WIPF3: variants seen among roughly 807,000 people sequenced by gnomAD.
The protein encoded by WIPF3 is WAS/WASL interacting protein family member 3, also known as WAS/WASL-interacting protein family member 3.
In WIPF3, 33 loss-of-function variants were observed where a neutral mutation model predicts 38.9. That is an observed-to-expected ratio of 0.85 (90% confidence interval 0.64 to 1.14). The LOEUF is 1.14. Among genes scored for constraint, WIPF3 ranks in the 50% most tolerant of loss-of-function variants. The probability of loss-of-function intolerance (pLI) is 0.00; values close to 1 mark genes in which losing one functional copy is unlikely to be tolerated. For missense variants in WIPF3, 711 were observed against 652.5 expected (o/e 1.09, Z -0.98); for synonymous variants, 324 against 269.3 (o/e 1.20, Z -1.99).
At position 29,844,638 on chromosome 7, in the gene WIPF3, G is replaced by GT. The variant is rs1784969970; in HGVS notation, c.90+9826dup. Among the ~76,000 whole-genome samples the GT allele has an allele frequency of 6.6e-6, 1 of 152,178 alleles. No homozygotes were observed. Among genetic ancestry groups the GT allele is most frequent in the East Asian group, 1.9e-4 (1 of 5,198 alleles). On this transcript the variant is annotated intron_variant, in intron 2 of 8. Transcript: ENST00000242140. The surrounding 1 kb of genome is among the most constrained non-coding windows in gnomAD (Gnocchi z 4.8). ...CCACTGCCTCCAGCTGCGTGAACGG[G>GT]TTCAGTAAGTGGTACTGATGACTAG...
chr7:29,888,345 C>T, intron 6 of WIPF3, 128 bp downstream of exon 6: 1 of 1,233,648 alleles, frequency 8.1e-7, no homozygotes, highest in Non-Finnish European at 1.1e-6. Context: ...TGAACAGGGG[C>T]TCACTCCAGC....
chr7:29,897,885 C>T (rs1209399248), intron 7 of WIPF3, among the ~76,000 whole-genome samples: 2 of 152,248 alleles, frequency 1.3e-5, no homozygotes, highest in South Asian at 4.1e-4. Context: ...TTTACCACAG[C>T]TTCTGTCCTT....
chr7:29,863,996 T>A (rs1785345160), intron 2 of WIPF3, among the ~76,000 whole-genome samples: 1 of 152,214 alleles, frequency 6.6e-6, no homozygotes, highest in Non-Finnish European at 1.5e-5. Flanking sequence ...TTTTATTTCC[T>A]CCTTCCCAAT....
chr7:29,884,011 G>GACCCC lies in WIPF3; in HGVS notation c.517_518insACCCC (p.Ala173AspfsTer37). 7.0e-7 allele frequency: 1 copy of GACCCC among 1,430,664 alleles called. No individual in the cohort carries two copies. The highest frequency in any genetic ancestry group is 1.4e-5 in the South Asian group (1 of 71,508). The allele number at this position is 1,430,664 out of a possible 1,614,324, so 88.6% of individuals were successfully genotyped here. ...AGCCCCGCCTCGCCCCAACGTGCCT[G>GACCCC]CCCCGCCCCCTCCCACCCCACCCCC... is the stretch of plus-strand genomic sequence containing the variant. On this transcript the variant is annotated frameshift_variant, in exon 5 of 9. Transcript: ENST00000242140. LOFTEE classifies it high-confidence loss of function.
chr7:29,890,696 G>C (rs573074958), intron 7 of WIPF3, among the ~76,000 whole-genome samples: 1 of 151,246 alleles, frequency 6.6e-6, no homozygotes, highest in Admixed American at 6.6e-5. Flanking sequence ...GGTGGAGGGC[G>C]CGTGGACCTG....
chr7:29,885,778 T>C (rs1583619799), intron 5 of WIPF3, among the ~76,000 whole-genome samples: 3 of 152,206 alleles, frequency 2.0e-5, no homozygotes, highest in African/African-American at 7.2e-5. Context: ...ATTGTGCCAT[T>C]GTACTCCAGA....
intron 1 of WIPF3, among the ~76,000 whole-genome samples, chr7:29,816,537 C>T (rs1481604576): frequency 6.6e-6 from 1 of 151,686 alleles, no homozygotes; most frequent in Non-Finnish European, 1.5e-5. Context: ...CTTTGTTGCC[C>T]AGGCTGGTCT....
At chr7:29,846,733 G>A (rs1377193883) in intron 2 of WIPF3, among the ~76,000 whole-genome samples, 1 of 152,200 alleles carries the variant, frequency 6.6e-6, no homozygotes, top group Non-Finnish European at 1.5e-5. Flanking sequence ...AACACGGGGT[G>A]TAAAAACAGG....
At chr7:29,889,267 A>G (rs748532495) in intron 6 of WIPF3, 39 bp from the exon 7 acceptor site, 1 of 1,542,444 alleles carries the variant, frequency 6.5e-7, no homozygotes. Context: ...GGATCATGAC[A>G]GTAACCTGAG....
chr7:29,835,639 G>A lies in WIPF3; in HGVS notation c.90+825G>A, dbSNP rs150494463. Among the ~76,000 whole-genome samples, 301 of 152,304 alleles carry A rather than the reference G, an allele frequency of 2.0e-3. 1 individual carries two copies. Among genetic ancestry groups the A allele is most frequent in the Non-Finnish European group, 3.5e-3 (235 of 68,020 alleles). ...TTTCAGAAAAATGCTAGTGCTTACT[G>A]CTTATGGCAAACTTTTCCTCTGAAG... On this transcript the variant is annotated intron_variant, in intron 2 of 8. Transcript: ENST00000242140.
At chr7:29,882,671 T>G (rs952613280) in intron 4 of WIPF3, among the ~76,000 whole-genome samples, 1 of 152,180 alleles carries the variant, frequency 6.6e-6, no homozygotes, top group Non-Finnish European at 1.5e-5. Context: ...ACTCAAGTAC[T>G]GCAAATCTCA....
At chr7:29,847,516 C>T (rs886649883) in intron 2 of WIPF3, among the ~76,000 whole-genome samples, 2 of 152,150 alleles carry the variant, frequency 1.3e-5, no homozygotes, top group Non-Finnish European at 2.9e-5. Context: ...CGGAAATTAT[C>T]TATTTTATGT....
At chr7:29,836,970 G>A (rs1453960378) in intron 2 of WIPF3, among the ~76,000 whole-genome samples, 4 of 148,026 alleles carry the variant, frequency 2.7e-5, no homozygotes, top group East Asian at 4.2e-4. Context: ...CAGCCTGGGT[G>A]ACAGAGTGAG....
At chr7:29,825,562 C>T (rs1263943232) in intron 1 of WIPF3, among the ~76,000 whole-genome samples, 1 of 152,196 alleles carries the variant, frequency 6.6e-6, no homozygotes, top group Non-Finnish European at 1.5e-5. Flanking sequence ...TTTCTCCTTT[C>T]ACCCTTGGGA....
chr7:29,876,236 C>T (rs562776473), intron 3 of WIPF3, among the ~76,000 whole-genome samples: 7 of 152,360 alleles, frequency 4.6e-5, no homozygotes, highest in African/African-American at 1.7e-4. Flanking sequence ...ATAAAATACA[C>T]ATAATATAAA....
chr7:29,880,713 A>C (rs967881347), intron 4 of WIPF3, among the ~76,000 whole-genome samples: 1 of 152,134 alleles, frequency 6.6e-6, no homozygotes. Flanking sequence ...TGTAATGGGG[A>C]AGACAAGAAT....
At chr7:29,820,271 G>T (rs566968672) in intron 1 of WIPF3, among the ~76,000 whole-genome samples, 5 of 152,024 alleles carry the variant, frequency 3.3e-5, no homozygotes, top group African/African-American at 1.2e-4. Context: ...TTGTTTAATG[G>T]TTTTTATGGT....
At chr7:29,839,366 T>A (rs964426319) in intron 2 of WIPF3, among the ~76,000 whole-genome samples, 1 of 152,148 alleles carries the variant, frequency 6.6e-6, no homozygotes. Context: ...GGGTGAAAGG[T>A]TGTGGGGGAA....
At chr7:29,846,466 C>T (rs174942) in intron 2 of WIPF3, among the ~76,000 whole-genome samples, 27,428 of 152,190 alleles carry the variant, frequency 0.18, 3,232 homozygotes, top group East Asian at 0.39. Flanking sequence ...TTTGGGAGGC[C>T]CAGGCAGGTG....
Sources: gnomAD v4.1 joint callset for allele counts (sites outside exome capture counted in the v4.1 genomes callset) on GRCh38, gnomAD v4.1.1 for gene constraint, Gnocchi (gnomAD v3.1) non-coding constraint, MANE v1.5 for transcripts, NCBI Gene and HGNC (gene_info 2026-07-23, HGNC 2026-07-21) for gene names.